Variants in HEPHL1 observed in about 807,000 individuals in gnomAD.
The protein encoded by HEPHL1 is ferroxidase HEPHL1.
In HEPHL1, 123 loss-of-function variants were observed where a neutral mutation model predicts 122.0. That is an observed-to-expected ratio of 1.01 (90% CI 0.87 to 1.17). HEPHL1 has a LOEUF of 1.17. Among genes scored for constraint, HEPHL1 ranks in the 50% most tolerant of loss-of-function variants. HEPHL1 has a pLI of 0.00. For missense variants in HEPHL1, 1,452 were observed against 1,430.5 expected (o/e 1.01, Z -0.24); for synonymous variants, 527 against 508.9 (o/e 1.04, Z -0.48).
chr11:94,069,088 T>A (rs1460545567), intron 5 of HEPHL1, among the ~76,000 whole-genome samples: 1 of 152,218 alleles, frequency 6.6e-6, no homozygotes, highest in Non-Finnish European at 1.5e-5. Flanking sequence ...AAGAGTCTTA[T>A]GCTGTTAAAT....
chr11:94,073,518 C>A, intron 8 of HEPHL1, 79 bp downstream of exon 8: 2 of 1,405,366 alleles, frequency 1.4e-6, no homozygotes, highest in Admixed American at 2.1e-5. Flanking sequence ...TGGTTCAAAT[C>A]CTGGTCCTTT....
chr11:94,092,977 G>A (rs1235977433), intron 12 of HEPHL1, among the ~76,000 whole-genome samples: 1 of 152,048 alleles, frequency 6.6e-6, no homozygotes, highest in East Asian at 1.9e-4. Context: ...TTTGTATATG[G>A]ATGTATACAC....
At chr11:94,070,321 A>T in intron 5 of HEPHL1, 53 bp from the exon 6 acceptor site, 1 of 1,516,222 alleles carries the variant, frequency 6.6e-7, no homozygotes, top group Non-Finnish European at 8.9e-7. Context: ...TTCCTATATG[A>T]TTCCTTTTGT....
intron 3 of HEPHL1, among the ~76,000 whole-genome samples, 177 bp from the exon 4 acceptor site, chr11:94,064,154 T>A (rs1005398831): frequency 2.6e-5 from 4 of 152,348 alleles, no homozygotes; most frequent in African/African-American, 9.6e-5. Context: ...GTTTTATGAC[T>A]TTTCTCTTCT....
chr11:94,083,446 T>C (rs967876965), intron 10 of HEPHL1, among the ~76,000 whole-genome samples: 2 of 152,202 alleles, frequency 1.3e-5, no homozygotes, highest in African/African-American at 4.8e-5. Context: ...TTAGGCATAT[T>C]ACCTAAGGTA....
intron 13 of HEPHL1, among the ~76,000 whole-genome samples, chr11:94,096,557 C>G (rs1332962510): frequency 1.3e-5 from 2 of 152,188 alleles, no homozygotes; most frequent in East Asian, 3.8e-4. Flanking sequence ...AGGATTCCCT[C>G]TTTTTCTATT....
intron 1 of HEPHL1, among the ~76,000 whole-genome samples, chr11:94,027,398 T>G (rs1300906179): frequency 6.6e-6 from 1 of 152,248 alleles, no homozygotes; most frequent in East Asian, 1.9e-4. Flanking sequence ...TGAGAGCACT[T>G]GATCAGCTCT....
chr11:94,111,111 T>C (rs762346390), intron 18 of HEPHL1, 46 bp downstream of exon 18: 6 of 1,505,054 alleles, frequency 4.0e-6, no homozygotes, highest in Non-Finnish European at 5.4e-6. Flanking sequence ...CCGAGCTTCC[T>C]GTAGACCCCC....
At chr11:94,055,734 A>G (rs573121799) in intron 2 of HEPHL1, 1 of 383,340 alleles carries the variant, frequency 2.6e-6, no homozygotes, top group East Asian at 6.4e-5. Context: ...CTTCACTACC[A>G]GTGATGACTG....
In HEPHL1 at chr11:94,087,612, C is replaced by T. The variant is rs560233138; in HGVS notation, c.2081-1143C>T. On this transcript the variant is annotated intron_variant, in intron 11 of 19. Coordinates refer to ENST00000315765, the MANE Select transcript of HEPHL1 (RefSeq NM_001098672.2). Reference sequence around the variant, plus strand: ...TCTTCATGCTACCTTGTCTAAGATCCTCTTTGTTCTTAGAGGAGACAATTC... The same window carrying T: ...TCTTCATGCTACCTTGTCTAAGATCTTCTTTGTTCTTAGAGGAGACAATTC... 9.9e-5 allele frequency among the ~76,000 whole-genome samples: 15 copies of T among 151,948 alleles called. No homozygotes were observed. In the East Asian group the frequency reaches 2.7e-3, roughly 27 times the overall value.
rs754204819 is a variant in HEPHL1 at position 94,101,333 on chromosome 11, C to T, written c.2573C>T (p.Pro858Leu). Residue 858 changes from proline to leucine, a missense_variant and splice_region_variant, in exon 14 of 20, where the codon CCA becomes CTA. Transcript: ENST00000315765. ...GKQFQVPMTK[P>L]GEVKTYRWNI... ...CAATTCCAAGTGCCCATGACAAAAC[C>T]AGGTAAGTTGTGTCAGAGGTCTGCT... The T allele has an allele frequency of 6.2e-7, 1 of 1,611,900 alleles. No homozygotes were observed. Among genetic ancestry groups the T allele is most frequent in the Non-Finnish European group, 8.5e-7 (1 of 1,178,564 alleles).
At chr11:94,055,453 G>A (rs1945928770) in intron 2 of HEPHL1, 1 of 234,412 alleles carries the variant, frequency 4.3e-6, no homozygotes, top group South Asian at 5.4e-5. Context: ...TAAGCCATCA[G>A]TAACATGAGG....
Position 94,021,530 on chromosome 11 carries a change from A to G in HEPHL1, c.162A>G (p.Thr54=). ...ATGTTATTACTGGGAAAAGTTTCACAGAAGACAAGTGAGTGAACTTAGGGT... is the reference window on the plus strand; with the variant it reads ...ATGTTATTACTGGGAAAAGTTTCACGGAAGACAAGTGAGTGAACTTAGGGT... ...GKNVITGKSF[T]EDKLATLFLE... The change falls in exon 1 of 20, where the codon ACA becomes ACG. Residue 54 remains threonine, a synonymous_variant. Transcript: ENST00000315765. 5 of 1,607,266 alleles carry G rather than the reference A, an allele frequency of 3.1e-6. No individual in the cohort carries two copies. Among genetic ancestry groups the G allele is most frequent in the Non-Finnish European group, 4.3e-6 (5 of 1,176,458 alleles).
intron 1 of HEPHL1, among the ~76,000 whole-genome samples, chr11:94,039,234 AC>A (rs1945752388): frequency 7.1e-6 from 1 of 141,772 alleles, no homozygotes; most frequent in Non-Finnish European, 1.5e-5. Context: ...GTCCTGAGTG[AC>A]CTACAAAGAG....
Position 94,088,980 on chromosome 11 carries a change from G to A in HEPHL1, c.2294+12G>A, listed in dbSNP as rs1946241659. On this transcript the variant is annotated intron_variant, in intron 12 of 19. Transcript: ENST00000315765. ...GCAAGAGGGGAAAGGTACCACAGGC[G>A]CCGCCGCTAGGGCTCCTCGGTGGGA... 10 of 1,612,516 alleles carry A rather than the reference G, an allele frequency of 6.2e-6. No homozygotes were observed. The highest frequency in any genetic ancestry group is 1.3e-5 in the African/African-American group (1 of 75,020).
At chr11:94,109,647 G>T (rs1591491818) in intron 17 of HEPHL1, among the ~76,000 whole-genome samples, 1 of 152,152 alleles carries the variant, frequency 6.6e-6, no homozygotes, top group Non-Finnish European at 1.5e-5. Flanking sequence ...TACATTTATT[G>T]ATTGTGGAGT....
In HEPHL1 at chr11:94,113,643, G is replaced by A. The variant is rs144181517; in HGVS notation, c.*1749G>A. ...TTTATTACCCACCTTAGTAAGACAAGTTGTTCAGTTGTTTTTTTTTCTTTT... is the reference window on the plus strand; with the variant it reads ...TTTATTACCCACCTTAGTAAGACAAATTGTTCAGTTGTTTTTTTTTCTTTT... On this transcript the variant is annotated 3_prime_UTR_variant, in exon 20 of 20. Transcript: ENST00000315765. 5.9e-3 allele frequency: 891 copies of A among 151,950 alleles called. 12 individuals are homozygous for A. The highest frequency in any genetic ancestry group is 0.02 in the African/African-American group (827 of 41,386). 9.4% of individuals were successfully genotyped at this position (151,950 alleles called of 1,614,324 possible).
At chr11:94,067,381 A>G (rs1946042703) in intron 4 of HEPHL1, 115 bp from the exon 5 acceptor site, 1 of 960,268 alleles carries the variant, frequency 1.0e-6, no homozygotes, top group Non-Finnish European at 1.6e-6. Context: ...CCAAAACCTT[A>G]CAACCAATGG....
intron 2 of HEPHL1, among the ~76,000 whole-genome samples, chr11:94,062,766 G>A (rs1442730583): frequency 1.3e-5 from 2 of 152,144 alleles, no homozygotes; most frequent in East Asian, 3.9e-4. Flanking sequence ...TTTTAGCCAG[G>A]TGGTTTTTAT....
Sources: allele counts gnomAD v4.1 joint callset (sites outside exome capture counted in the v4.1 genomes callset), GRCh38; gene constraint gnomAD v4.1.1; transcripts MANE v1.5; gene names NCBI Gene and HGNC (gene_info 2026-07-23, HGNC 2026-07-21).